RABGAP1: variants seen among roughly 807,000 people sequenced by gnomAD.
RABGAP1 encodes the protein RAB GTPase activating protein 1, also known as rab GTPase-activating protein 1.
In RABGAP1, 23 loss-of-function variants were observed where a neutral mutation model predicts 137.6. That is an observed-to-expected ratio of 0.17 (90% confidence interval 0.12 to 0.24). RABGAP1 has a LOEUF of 0.24. Ranked by LOEUF, RABGAP1 falls within the 10% of genes least tolerant of loss-of-function variation. The pLI is 1.00. For missense variants in RABGAP1, 906 were observed against 1,275.8 expected (o/e 0.71, Z 4.42); for synonymous variants, 451 against 450.7 (o/e 1.00, Z -0.01).
chr9:123,078,267 C>T (rs910000726), intron 19 of RABGAP1, among the ~76,000 whole-genome samples: 3 of 151,860 alleles, frequency 2.0e-5, no homozygotes, highest in Admixed American at 2.0e-4. Flanking sequence ...GGAAATAGAA[C>T]TTCTGGTAAT....
chr9:123,101,985 C>T (rs2035360143), intron 25 of RABGAP1, among the ~76,000 whole-genome samples: 1 of 152,160 alleles, frequency 6.6e-6, no homozygotes, highest in Non-Finnish European at 1.5e-5. Flanking sequence ...GAATAATACA[C>T]AAAAGCTTGG....
intron 2 of RABGAP1, among the ~76,000 whole-genome samples, chr9:122,979,050 A>C (rs1835913317): frequency 6.6e-6 from 1 of 151,946 alleles, no homozygotes; most frequent in Admixed American, 6.6e-5. Context: ...GGTGTGTGCC[A>C]GTACTTCTGG....
At chr9:122,985,113 C>T (rs1836299306) in intron 3 of RABGAP1, among the ~76,000 whole-genome samples, 1 of 151,906 alleles carries the variant, frequency 6.6e-6, no homozygotes, top group African/African-American at 2.4e-5. Flanking sequence ...TCTATGGGAG[C>T]AGTTGCCAAG....
intron 13 of RABGAP1, among the ~76,000 whole-genome samples, chr9:123,040,899 G>C (rs999618564): frequency 6.6e-6 from 1 of 152,154 alleles, no homozygotes; most frequent in Non-Finnish European, 1.5e-5. Flanking sequence ...GTCTGATTCT[G>C]TTATTTTGCA....
chr9:122,941,862 CG>C (rs902254858), intron 1 of RABGAP1, among the ~76,000 whole-genome samples: 1 of 152,268 alleles, frequency 6.6e-6, no homozygotes, highest in African/African-American at 2.4e-5. Context: ...CTGCGTTTCA[CG>C]CATCTGCATA....
At chr9:122,949,782 CAAA>C (rs2131597646) in intron 1 of RABGAP1, among the ~76,000 whole-genome samples, 1 of 138,286 alleles carries the variant, frequency 7.2e-6, no homozygotes, top group African/African-American at 2.7e-5. Context: ...AACTAAAAAA[CAAA>C]AAGCCTGAGG....
chr9:123,047,210 A>C (rs970588610), intron 13 of RABGAP1, among the ~76,000 whole-genome samples: 3 of 152,238 alleles, frequency 2.0e-5, no homozygotes, highest in Non-Finnish European at 2.9e-5. Context: ...GTACTAATCA[A>C]AATGTTCTCT....
At chr9:122,960,974 CAAAG>C (rs1834821668) in intron 2 of RABGAP1, among the ~76,000 whole-genome samples, 1 of 151,520 alleles carries the variant, frequency 6.6e-6, no homozygotes, top group Non-Finnish European at 1.5e-5. Context: ...AGAAATTACT[CAAAG>C]AACATGAAGA....
At chr9:123,067,725 T>C (rs1179852964) in intron 14 of RABGAP1, among the ~76,000 whole-genome samples, 4 of 152,218 alleles carry the variant, frequency 2.6e-5, no homozygotes, top group African/African-American at 9.6e-5. Context: ...TAGGTGTTCA[T>C]TAAGTGTTGA....
At chr9:122,999,982 A>ATT (rs1837237920) in intron 10 of RABGAP1, among the ~76,000 whole-genome samples, 1 of 151,432 alleles carries the variant, frequency 6.6e-6, no homozygotes. Context: ...CATTTTCTAT[A>ATT]TTTTTTGTTT....
chr9:122,933,155 C>T, the RABGAP1 span, among the ~76,000 whole-genome samples: 1 of 152,180 alleles, frequency 6.6e-6, no homozygotes, highest in East Asian at 1.9e-4. Context: ...TTCTTCTCCC[C>T]GTTACTGAAA....
chr9:123,099,610 A>T (rs1175811840), intron 24 of RABGAP1, 61 bp downstream of exon 24: 1 of 1,428,656 alleles, frequency 7.0e-7, no homozygotes, highest in African/African-American at 1.4e-5. Flanking sequence ...GGCTGTATAA[A>T]CAGGTTTTGG....
At position 123,029,474 on chromosome 9, in the gene RABGAP1, T is replaced by C. The variant is rs1012229608; in HGVS notation, c.1794+9015T>C. Reference sequence around the variant, plus strand: ...CTTTGAAACCAGTTTGATAAGTCCTTTACTAAGGAGCTCCAGAAGGGCTGC... The same window carrying C: ...CTTTGAAACCAGTTTGATAAGTCCTCTACTAAGGAGCTCCAGAAGGGCTGC... On this transcript the variant is annotated intron_variant, in intron 13 of 25. Transcript: ENST00000373647. The C allele has an allele frequency of 1.2e-5, 17 of 1,376,344 alleles. 1 individual carries two copies. In the South Asian group the frequency reaches 1.9e-4, roughly 15 times the overall value. The allele number at this position is 1,376,344 out of a possible 1,614,324, so 85.3% of individuals were successfully genotyped here. A position where few individuals can be genotyped will look rare whatever the true frequency, so the allele number is the denominator to read the frequency against.
At chr9:123,044,852 T>C (rs2132035921) in intron 13 of RABGAP1, among the ~76,000 whole-genome samples, 1 of 152,212 alleles carries the variant, frequency 6.6e-6, no homozygotes, top group Admixed American at 6.5e-5. Flanking sequence ...CTGATTCCTC[T>C]CCTCACCCCA....
At chr9:122,994,904 C>T (rs1222782909) in intron 6 of RABGAP1, among the ~76,000 whole-genome samples, 5 of 152,024 alleles carry the variant, frequency 3.3e-5, no homozygotes, top group South Asian at 2.1e-4. Flanking sequence ...ATTGCTTGAG[C>T]CCATGAGTTC....
intron 13 of RABGAP1, among the ~76,000 whole-genome samples, chr9:123,065,114 A>G (rs967546289): frequency 1.4e-4 from 21 of 152,216 alleles, no homozygotes; most frequent in African/African-American, 4.8e-4. Flanking sequence ...ATGGAGTATA[A>G]TATGGAAGTG....
chr9:122,949,305 G>A (rs1834100098), intron 1 of RABGAP1, among the ~76,000 whole-genome samples: 1 of 152,124 alleles, frequency 6.6e-6, no homozygotes, highest in South Asian at 2.1e-4. Flanking sequence ...CCGAGGTCAG[G>A]AGTTTGAGAC....
At chr9:122,943,797 C>CA (rs1833757935) in intron 1 of RABGAP1, among the ~76,000 whole-genome samples, 1 of 151,988 alleles carries the variant, frequency 6.6e-6, no homozygotes, top group East Asian at 1.9e-4. Flanking sequence ...ACTAAAAATA[C>CA]AAAAAATTAG....
chr9:122,952,887 A>G (rs1834325336), intron 1 of RABGAP1, among the ~76,000 whole-genome samples: 1 of 152,210 alleles, frequency 6.6e-6, no homozygotes, highest in Non-Finnish European at 1.5e-5. Flanking sequence ...TATGTATCTT[A>G]TTTCAAATGG....
Sources: gnomAD v4.1 joint callset for allele counts (sites outside exome capture counted in the v4.1 genomes callset) on GRCh38, gnomAD v4.1.1 for gene constraint, MANE v1.5 for transcripts, NCBI Gene and HGNC (gene_info 2026-07-23, HGNC 2026-07-21) for gene names.